RBMS1: variants seen among roughly 807,000 people sequenced by gnomAD.
RBMS1 encodes RNA binding motif single stranded interacting protein 1.
RBMS1 carries 17 observed loss-of-function variants against 62.3 expected under a neutral mutation model. The ratio of observed to expected loss-of-function variants is 0.27; its 90% CI spans 0.19 to 0.41. The LOEUF (loss-of-function observed/expected upper bound fraction) is 0.41, where lower values mean the gene tolerates loss of function less well. RBMS1 is among the 10% of genes least tolerant of loss of function. The probability of loss-of-function intolerance (pLI) is 1.00; values close to 1 mark genes in which losing one functional copy is unlikely to be tolerated. For synonymous variants in RBMS1, 172 were observed against 170.0 expected (o/e 1.01, Z -0.09); for missense variants, 334 against 504.5 (o/e 0.66, Z 3.24).
chr2:160,422,739 C>T (rs1471119825), intron 1 of RBMS1, among the ~76,000 whole-genome samples: 1 of 151,884 alleles, frequency 6.6e-6, no homozygotes, highest in African/African-American at 2.4e-5. Context: ...TTCATCCTAT[C>T]TTTAAAATAA....
chr2:160,368,507 A>G (rs1276268112), intron 1 of RBMS1, among the ~76,000 whole-genome samples: 3 of 152,160 alleles, frequency 2.0e-5, no homozygotes, highest in Non-Finnish European at 4.4e-5. Flanking sequence ...GACCCCTTAC[A>G]ATAAGCATAT....
At chr2:160,452,627 A>T (rs1684040219) in intron 1 of RBMS1, among the ~76,000 whole-genome samples, 1 of 152,200 alleles carries the variant, frequency 6.6e-6, no homozygotes, top group Non-Finnish European at 1.5e-5. Flanking sequence ...TTCTCTTCCA[A>T]GGTGTGCACT....
intron 2 of RBMS1, among the ~76,000 whole-genome samples, chr2:160,335,842 T>A (rs1042599142): frequency 1.3e-5 from 2 of 152,234 alleles, no homozygotes; most frequent in South Asian, 4.1e-4. Flanking sequence ...TGTGCATTTT[T>A]AATTATTTGT....
chr2:160,287,136 A>G (rs772021443), intron 6 of RBMS1, 52 bp from the exon 7 acceptor site: 1 of 1,601,050 alleles, frequency 6.2e-7, no homozygotes, highest in Non-Finnish European at 8.5e-7. Flanking sequence ...GTGTATGTGG[A>G]TGACAAAATG....
chr2:160,419,657 T>C (rs1461034263), intron 1 of RBMS1, among the ~76,000 whole-genome samples: 3 of 152,206 alleles, frequency 2.0e-5, no homozygotes, highest in South Asian at 2.1e-4. Context: ...ACTTGTGAGG[T>C]TGATTCAGAG....
chr2:160,445,841 C>A (rs1239770451), intron 1 of RBMS1, among the ~76,000 whole-genome samples: 1 of 152,158 alleles, frequency 6.6e-6, no homozygotes, highest in East Asian at 1.9e-4. Flanking sequence ...AAAGTTTCTT[C>A]TCCCAGTATC....
At chr2:160,277,250 C>T in intron 12 of RBMS1, 53 bp downstream of exon 12, 1 of 1,421,612 alleles carries the variant, frequency 7.0e-7, no homozygotes, top group South Asian at 1.2e-5. Context: ...TTTAATTTAC[C>T]CATTTCTGAA....
chr2:160,361,033 A>C (rs888090396), intron 2 of RBMS1, among the ~76,000 whole-genome samples: 3 of 152,242 alleles, frequency 2.0e-5, no homozygotes, highest in African/African-American at 7.2e-5. Context: ...AGCTAGATTT[A>C]ATTTCACATT....
At chr2:160,412,577 T>A (rs1036284116) in intron 1 of RBMS1, among the ~76,000 whole-genome samples, 2 of 152,210 alleles carry the variant, frequency 1.3e-5, no homozygotes, top group African/African-American at 4.8e-5. Context: ...AGGTGAGTAC[T>A]TGTAAACCAT....
At chr2:160,300,529 A>G (rs1689153937) in intron 6 of RBMS1, 122 bp downstream of exon 6, 1 of 1,315,320 alleles carries the variant, frequency 7.6e-7, no homozygotes, top group African/African-American at 1.5e-5. Context: ...TTCTAAATCC[A>G]ACAAAATGCA....
intron 1 of RBMS1, among the ~76,000 whole-genome samples, chr2:160,438,615 T>C (rs1446961757): frequency 6.6e-6 from 1 of 152,192 alleles, no homozygotes; most frequent in Non-Finnish European, 1.5e-5. Context: ...GCAGAAGAAT[T>C]TTTCTTAGTA....
intron 1 of RBMS1, among the ~76,000 whole-genome samples, chr2:160,367,851 G>GT (rs367866681): frequency 0.011 from 1,709 of 152,288 alleles, 39 homozygotes; most frequent in African/African-American, 0.037. Flanking sequence ...GAAAGTTAGA[G>GT]TTTAATCCAG....
chr2:160,457,108 ATT>A (rs1684269579), intron 1 of RBMS1, among the ~76,000 whole-genome samples: 1 of 150,916 alleles, frequency 6.6e-6, no homozygotes, highest in Non-Finnish European at 1.5e-5. Context: ...TGTTTATTTT[ATT>A]TTTATTTATT....
At chr2:160,445,405 C>T (rs945036161) in intron 1 of RBMS1, among the ~76,000 whole-genome samples, 1 of 152,174 alleles carries the variant, frequency 6.6e-6, no homozygotes, top group African/African-American at 2.4e-5. Flanking sequence ...TAAATGATTG[C>T]TGTTACAGTG....
rs75407008 is a variant in RBMS1 at position 160,399,686 on chromosome 2, A to C, written c.76-32295T>G. Among the ~76,000 whole-genome samples the C allele has an allele frequency of 3.0e-3, 454 of 152,312 alleles. 7 individuals are homozygous for C. Among genetic ancestry groups the C allele is most frequent in the East Asian group, 0.014 (73 of 5,184 alleles). ...AAAACTGAGAATACAAAATAGAGCC[A>C]AAGTACTTTCTAGAATATCTGAATT... On this transcript the variant is annotated intron_variant, in intron 1 of 13. Transcript: ENST00000348849.
chr2:160,332,293 A>C (rs973683720), intron 2 of RBMS1, among the ~76,000 whole-genome samples: 5 of 152,248 alleles, frequency 3.3e-5, no homozygotes, highest in African/African-American at 1.2e-4. Context: ...ATAGCGGCAA[A>C]GATACCTTTT....
chr2:160,398,212 C>T (rs1267891349), intron 1 of RBMS1, among the ~76,000 whole-genome samples: 1 of 152,198 alleles, frequency 6.6e-6, no homozygotes, highest in East Asian at 1.9e-4. Context: ...AGGCTGAATA[C>T]TCTAAACCAC....
At chr2:160,450,571 A>C (rs1401097655) in intron 1 of RBMS1, among the ~76,000 whole-genome samples, 1 of 149,946 alleles carries the variant, frequency 6.7e-6, no homozygotes, top group East Asian at 1.9e-4. Flanking sequence ...AATGAAAAAA[A>C]AAAAAAAACA....
At chr2:160,288,296 C>CT (rs1221500514) in intron 6 of RBMS1, among the ~76,000 whole-genome samples, 6 of 152,140 alleles carry the variant, frequency 3.9e-5, no homozygotes, top group African/African-American at 1.4e-4. Context: ...AAAAATATTA[C>CT]TTGTGGAAAA....
Sources: allele counts gnomAD v4.1 joint callset (sites outside exome capture counted in the v4.1 genomes callset), GRCh38; gene constraint gnomAD v4.1.1; transcripts MANE v1.5; gene names NCBI Gene and HGNC (gene_info 2026-07-23, HGNC 2026-07-21).